FOXN3: variants seen among roughly 807,000 people sequenced by gnomAD.
FOXN3 encodes the protein forkhead box N3.
In FOXN3, 7 loss-of-function variants were observed where a neutral mutation model predicts 38.4. The ratio of observed to expected loss-of-function variants is 0.18; its 90% CI spans 0.10 to 0.34. FOXN3 has a LOEUF of 0.34. Among genes scored for constraint, FOXN3 ranks in the 10% least tolerant of loss-of-function variants. The probability of loss-of-function intolerance (pLI) is 1.00; values close to 1 mark genes in which losing one functional copy is unlikely to be tolerated. For missense variants in FOXN3, 456 were observed against 613.4 expected (o/e 0.74, Z 2.71); for synonymous variants, 230 against 242.2 (o/e 0.95, Z 0.47).
chr14:89,256,669 T>C (rs368922042), intron 4 of FOXN3, among the ~76,000 whole-genome samples: 1 of 152,212 alleles, frequency 6.6e-6, no homozygotes, highest in African/African-American at 2.4e-5. Flanking sequence ...TGGTTTTCTT[T>C]TCTGCTCTCC....
intron 4 of FOXN3, among the ~76,000 whole-genome samples, chr14:89,249,979 T>C (rs1450299565): frequency 6.6e-6 from 1 of 152,242 alleles, no homozygotes; most frequent in East Asian, 1.9e-4. Context: ...TACCTGTGGG[T>C]GCCTGGGCAG....
chr14:89,276,823 G>A (rs1487706850), intron 4 of FOXN3, among the ~76,000 whole-genome samples: 1 of 152,206 alleles, frequency 6.6e-6, no homozygotes, highest in Non-Finnish European at 1.5e-5. Context: ...ACTCCGTGGG[G>A]AGCTCTGAGG....
chr14:89,496,289 G>A (rs1003344689), intron 1 of FOXN3, among the ~76,000 whole-genome samples: 2 of 152,098 alleles, frequency 1.3e-5, no homozygotes, highest in Non-Finnish European at 2.9e-5. Context: ...ATTGGTTTGG[G>A]GATTAACTAT....
Position 89,160,835 on chromosome 14 carries a change from G to A in FOXN3, c.*1579C>T, listed in dbSNP as rs1887079359. On this transcript the variant is annotated 3_prime_UTR_variant, in exon 6 of 6. Coordinates refer to ENST00000557258, the MANE Select transcript of FOXN3 (RefSeq NM_005197.4). ...ACAGTCAGAATTTGTCCCTGAAGAA[G>A]GTTAAACCTTAAACACCTGCTTCAA... 1 of 150,946 alleles carries A rather than the reference G, an allele frequency of 6.6e-6. No individual in the cohort carries two copies. Among genetic ancestry groups the A allele is most frequent in the Admixed American group, 6.6e-5 (1 of 15,084 alleles). 9.4% of individuals were successfully genotyped at this position (150,946 alleles called of 1,614,324 possible).
At chr14:89,514,301 A>G (rs1894159323) in intron 1 of FOXN3, among the ~76,000 whole-genome samples, 1 of 152,146 alleles carries the variant, frequency 6.6e-6, no homozygotes, top group African/African-American at 2.4e-5. Flanking sequence ...TCTCAAAGGG[A>G]ACTGGCTGTT....
chr14:89,362,380 T>A (rs1277832742), intron 2 of FOXN3, among the ~76,000 whole-genome samples: 10 of 1,018 alleles, frequency 9.8e-3, no homozygotes, highest in African/African-American at 0.013. Context: ...CACCACCACC[T>A]CCACCACCAC....
chr14:89,306,319 GACACACAGACGCATGCACACACACAC>G, intron 3 of FOXN3, among the ~76,000 whole-genome samples: 1 of 147,066 alleles, frequency 6.8e-6, no homozygotes, highest in East Asian at 2.0e-4. Context: ...CACACTCACA[GACACACAGACGCATGCACACACACAC>G]ACACACACAC....
chr14:89,323,637 T>C (rs1887958486), intron 3 of FOXN3, among the ~76,000 whole-genome samples: 1 of 151,898 alleles, frequency 6.6e-6, no homozygotes. Flanking sequence ...GAGAATTGCT[T>C]GAACCCAGGA....
chr14:89,553,894 T>C (rs572912692), intron 1 of FOXN3, among the ~76,000 whole-genome samples: 20 of 152,004 alleles, frequency 1.3e-4, no homozygotes, highest in African/African-American at 4.3e-4. Context: ...AAAAGGAAAA[T>C]AGCTTTACCC....
At chr14:89,417,827 C>G (rs1399768352), upstream of FOXN3, 1 of 445,432 alleles carries the variant, frequency 2.2e-6, no homozygotes, top group Non-Finnish European at 4.5e-6. Context: ...CCCAGGTGGC[C>G]GCGTGTCTCC....
chr14:89,301,488 G>T (rs533927269), intron 3 of FOXN3, among the ~76,000 whole-genome samples: 13 of 151,832 alleles, frequency 8.6e-5, no homozygotes, highest in Admixed American at 7.9e-4. Flanking sequence ...AAAAAAATGT[G>T]GTGGGGCTCG....
chr14:89,269,470 TTTTTG>T (rs1180961100), intron 4 of FOXN3, among the ~76,000 whole-genome samples: 1 of 151,608 alleles, frequency 6.6e-6, no homozygotes, highest in African/African-American at 2.4e-5. Flanking sequence ...GGTCACTTGC[TTTTTG>T]TTTTGTTTTG....
At chr14:89,375,202 A>G (rs1289865561) in intron 2 of FOXN3, among the ~76,000 whole-genome samples, 1 of 152,164 alleles carries the variant, frequency 6.6e-6, no homozygotes, top group Non-Finnish European at 1.5e-5. Flanking sequence ...AGGTATGTAC[A>G]TATTAGTCAA....
intron 3 of FOXN3, among the ~76,000 whole-genome samples, chr14:89,322,881 A>G (rs968773860): frequency 1.3e-5 from 2 of 152,234 alleles, no homozygotes; most frequent in Admixed American, 1.3e-4. Flanking sequence ...GCCTAAGGAT[A>G]CAGCAGAGAG....
At chr14:89,458,665 A>G (rs1284920594) in intron 1 of FOXN3, among the ~76,000 whole-genome samples, 1 of 152,124 alleles carries the variant, frequency 6.6e-6, no homozygotes, top group Non-Finnish European at 1.5e-5. Flanking sequence ...AAAACAAATG[A>G]TTACCAAAAA....
intron 4 of FOXN3, among the ~76,000 whole-genome samples, chr14:89,243,180 TA>T (rs1748505545): frequency 6.6e-6 from 1 of 152,148 alleles, no homozygotes; most frequent in Non-Finnish European, 1.5e-5. Flanking sequence ...AGGAAGTAGG[TA>T]GGTATATTCA....
chr14:89,420,745 T>A (rs1412639832), upstream of FOXN3, among the ~76,000 whole-genome samples: 1 of 152,074 alleles, frequency 6.6e-6, no homozygotes, highest in Non-Finnish European at 1.5e-5. Flanking sequence ...GCACACAGAT[T>A]AGTGGGTAAG....
intron 1 of FOXN3, among the ~76,000 whole-genome samples, chr14:89,531,065 ATT>A (rs747098508): frequency 1.4e-5 from 2 of 147,382 alleles, no homozygotes; most frequent in Non-Finnish European, 3.0e-5. Context: ...ACACATATAT[ATT>A]ATATATACAC....
chr14:89,265,534 G>C (rs1885948111), intron 4 of FOXN3, among the ~76,000 whole-genome samples: 1 of 152,168 alleles, frequency 6.6e-6, no homozygotes, highest in African/African-American at 2.4e-5. Context: ...ACTAGTGGTA[G>C]AGACGTCACT....
Sources: gnomAD v4.1 joint callset for allele counts (sites outside exome capture counted in the v4.1 genomes callset) on GRCh38, gnomAD v4.1.1 for gene constraint, MANE v1.5 for transcripts, NCBI Gene and HGNC (gene_info 2026-07-23, HGNC 2026-07-21) for gene names.